Variants in RBFOX2 observed in about 807,000 individuals in gnomAD.
The protein encoded by RBFOX2 is RNA binding fox-1 homolog 2.
RBFOX2 carries 10 observed loss-of-function variants against 49.1 expected under a neutral mutation model. The ratio of observed to expected loss-of-function variants is 0.20; its 90% CI spans 0.13 to 0.35. The LOEUF is 0.35. RBFOX2 is among the 10% of genes least tolerant of loss of function. The pLI, the probability that RBFOX2 is intolerant of heterozygous loss-of-function variation, is 1.00. For synonymous variants in RBFOX2, 183 were observed against 187.4 expected, an observed-to-expected ratio of 0.98 and a Z score of 0.19; for missense variants, 323 against 486.9, an observed-to-expected ratio of 0.66 and a Z score of 3.17.
chr22:35,751,753 T>A (rs1251299608), intron 9 of RBFOX2, among the ~76,000 whole-genome samples: 1 of 152,238 alleles, frequency 6.6e-6, no homozygotes, highest in Non-Finnish European at 1.5e-5. Flanking sequence ...AGTATTTAAA[T>A]TTTATCTTAT....
At chr22:35,767,499 T>C (rs1909630914) in intron 5 of RBFOX2, among the ~76,000 whole-genome samples, 1 of 152,070 alleles carries the variant, frequency 6.6e-6, no homozygotes, top group Admixed American at 6.5e-5. Flanking sequence ...TTACTCAAAA[T>C]GGTGGCTTTT....
At chr22:35,789,143 G>A (rs1947051744) in intron 2 of RBFOX2, among the ~76,000 whole-genome samples, 1 of 151,888 alleles carries the variant, frequency 6.6e-6, no homozygotes, top group East Asian at 1.9e-4. Context: ...TGAGATCTGA[G>A]ACAGTGATAT....
chr22:35,762,506 T>TC (rs1440320359), intron 6 of RBFOX2, among the ~76,000 whole-genome samples: 5 of 146,276 alleles, frequency 3.4e-5, no homozygotes, highest in African/African-American at 1.3e-4. Flanking sequence ...GCCTCCTCTT[T>TC]TTTTTTTTTT....
Position 35,990,363 on chromosome 22 carries a change from G to A in RBFOX2, c.186+37877C>T, listed in dbSNP as rs901995581. On this transcript the variant is annotated intron_variant, in intron 1 of 13. Coordinates refer to the RBFOX2 transcript ENST00000438146. ...CCAAAGAGCTGTTTAAGAGAAGGAC[G>A]ACAAAGTCGAAACAAGACAGGGAAG... 2.6e-4 allele frequency among the ~76,000 whole-genome samples: 39 copies of A among 152,040 alleles called. 1 individual carries two copies. Among genetic ancestry groups the A allele is most frequent in the Admixed American group, 2.3e-3 (35 of 15,260 alleles).
intron 2 of RBFOX2, among the ~76,000 whole-genome samples, chr22:35,795,300 CCTCCGT>C (rs1948576987): frequency 6.6e-6 from 1 of 152,056 alleles, no homozygotes; most frequent in African/African-American, 2.4e-5. Flanking sequence ...TGAATAAATT[CCTCCGT>C]AGTCCAAGAC....
At chr22:35,823,514 A>C (rs938376455) in intron 1 of RBFOX2, among the ~76,000 whole-genome samples, 1 of 152,134 alleles carries the variant, frequency 6.6e-6, no homozygotes, top group African/African-American at 2.4e-5. Flanking sequence ...CTGTTATTTC[A>C]GGGGAGTCTT....
chr22:35,958,102 CA>C (rs374928310), intron 1 of RBFOX2, among the ~76,000 whole-genome samples: 3 of 152,038 alleles, frequency 2.0e-5, no homozygotes, highest in South Asian at 4.2e-4. Context: ...AATTCTACCC[CA>C]AAAAAAGTCA....
chr22:35,929,221 G>A (rs2052056996), intron 1 of RBFOX2, among the ~76,000 whole-genome samples: 1 of 151,918 alleles, frequency 6.6e-6, no homozygotes, highest in Non-Finnish European at 1.5e-5. Context: ...GACCTCAAGT[G>A]ATCCACCCAC....
upstream of RBFOX2, among the ~76,000 whole-genome samples, chr22:35,844,950 A>AT (rs1298808663): frequency 6.6e-6 from 1 of 151,866 alleles, no homozygotes; most frequent in Non-Finnish European, 1.5e-5. Flanking sequence ...TTTAAAAAAA[A>AT]TTTTTTTTAG....
chr22:35,806,615 C>CA, intron 2 of RBFOX2, among the ~76,000 whole-genome samples: 1 of 151,896 alleles, frequency 6.6e-6, no homozygotes, highest in Admixed American at 6.5e-5. Context: ...GTAAAAGGTA[C>CA]AAAAATTATT....
chr22:35,920,394 A>G (rs906438975), intron 1 of RBFOX2, among the ~76,000 whole-genome samples: 5 of 152,214 alleles, frequency 3.3e-5, no homozygotes, highest in Admixed American at 1.3e-4. Flanking sequence ...ATTGTTCACC[A>G]TCAGTATTCC....
intron 1 of RBFOX2, among the ~76,000 whole-genome samples, chr22:35,886,569 G>A (rs920516186): frequency 6.6e-6 from 1 of 152,176 alleles, no homozygotes; most frequent in African/African-American, 2.4e-5. Flanking sequence ...CGGTATGTAC[G>A]ACCTATTGCT....
intron 2 of RBFOX2, among the ~76,000 whole-genome samples, chr22:35,791,468 T>C (rs1016546489): frequency 1.1e-4 from 17 of 152,106 alleles, no homozygotes; most frequent in African/African-American, 4.1e-4. Context: ...GTTTAACTGG[T>C]TTAATGATTA....
intron 1 of RBFOX2, chr22:35,997,580 G>C (rs927383435): frequency 1.3e-5 from 2 of 152,224 alleles, no homozygotes; most frequent in African/African-American, 4.8e-5. Context: ...TTGCCAAAGA[G>C]AGCCACAGGA....
chr22:35,806,805 A>G (rs1018935262), intron 2 of RBFOX2, among the ~76,000 whole-genome samples: 1 of 152,180 alleles, frequency 6.6e-6, no homozygotes, highest in African/African-American at 2.4e-5. Flanking sequence ...CTAGCTGTGC[A>G]CTTTTTTCGG....
intron 1 of RBFOX2, among the ~76,000 whole-genome samples, chr22:35,825,681 C>A (rs1049197843): frequency 6.6e-6 from 1 of 152,094 alleles, no homozygotes; most frequent in Admixed American, 6.6e-5. Flanking sequence ...AGGGTACCTA[C>A]AAGAATTAAC....
intron 1 of RBFOX2, among the ~76,000 whole-genome samples, chr22:35,867,484 T>TC (rs2043824943): frequency 6.6e-6 from 1 of 152,228 alleles, no homozygotes; most frequent in Admixed American, 6.5e-5. Flanking sequence ...TACAATGTAT[T>TC]CTTTGCGTTT....
intron 1 of RBFOX2, among the ~76,000 whole-genome samples, chr22:35,915,079 C>T (rs1018151972): frequency 1.3e-5 from 2 of 152,212 alleles, no homozygotes; most frequent in Non-Finnish European, 1.5e-5. Context: ...CTTGCTTCCA[C>T]CCTACCATTT....
chr22:35,743,626 T>C (rs936459534), exon 12 of RBFOX2: 1 of 152,564 alleles, frequency 6.6e-6, no homozygotes, highest in African/African-American at 2.4e-5. Flanking sequence ...GTCTTTTTAA[T>C]TCTCCTGCTT....
Sources: allele counts gnomAD v4.1 joint callset (sites outside exome capture counted in the v4.1 genomes callset), GRCh38; gene constraint gnomAD v4.1.1; transcripts MANE v1.5; gene names NCBI Gene and HGNC (gene_info 2026-07-23, HGNC 2026-07-21).